The following GBP4 variants were observed in gnomAD, a reference collection of about 807,000 sequenced individuals.
GBP4 encodes guanylate-binding protein 4.
A neutral mutation model predicts 62.2 loss-of-function variants in GBP4; 69 were observed. That is an observed-to-expected ratio of 1.11 (90% confidence interval 0.91 to 1.36). GBP4 has a LOEUF of 1.36. Among genes scored for constraint, GBP4 ranks in the 40% most tolerant of loss-of-function variants. The probability of loss-of-function intolerance (pLI) is 0.00; values close to 1 mark genes in which losing one functional copy is unlikely to be tolerated. For synonymous variants in GBP4, 278 were observed against 274.6 expected (o/e 1.01, Z -0.12); for missense variants, 697 against 759.3 (o/e 0.92, Z 0.96).
chr1:89,196,624 C>G (rs1249709892), intron 2 of GBP4, among the ~76,000 whole-genome samples: 20 of 152,050 alleles, frequency 1.3e-4, no homozygotes, highest in Admixed American at 1.3e-3. Flanking sequence ...ATTAGAAAGA[C>G]TAACTAGAAG....
chr1:89,193,394 A>G lies in GBP4; in HGVS notation c.382T>C (p.Ser128Pro). Residue 128 changes from serine to proline, a missense_variant, in exon 4 of 11, where the codon TCG becomes CCG. This residue lies in a region of GBP4 where 556 missense variants were observed against 562.7 expected (regional missense o/e 0.99). Coordinates refer to ENST00000355754, the MANE Select transcript of GBP4 (RefSeq NM_052941.5). ...AGCACAGCCAGGGCAAAGATCCACG[A>G]GTCATTCTTAGGGTTACTCTAGAAA... ...DVEKSNPKND[S>P]WIFALAVLLS... The G allele has an allele frequency of 1.2e-6, 2 of 1,614,096 alleles. No homozygotes were observed.
intron 1 of GBP4, among the ~76,000 whole-genome samples, chr1:89,198,512 C>G (rs1557477789): frequency 6.6e-6 from 1 of 151,906 alleles, no homozygotes; most frequent in Non-Finnish European, 1.5e-5. Context: ...GGAGAAAATG[C>G]CACAGCTCTG....
At chr1:89,186,207 T>A (rs890325607) in intron 10 of GBP4, 126 bp downstream of exon 10, 1 of 724,554 alleles carries the variant, frequency 1.4e-6, no homozygotes, top group Non-Finnish European at 2.4e-6. Flanking sequence ...ATTTGAGATT[T>A]TAGTGAAACA....
At chr1:89,188,067 A>G (rs1209148431) in intron 8 of GBP4, among the ~76,000 whole-genome samples, 1 of 152,184 alleles carries the variant, frequency 6.6e-6, no homozygotes, top group African/African-American at 2.4e-5. Context: ...TCAACTGCCT[A>G]TGTGGACGAT....
At chr1:89,187,179 A>T (rs1648058889) in intron 8 of GBP4, 77 bp from the exon 9 acceptor site, 1 of 1,156,970 alleles carries the variant, frequency 8.6e-7, no homozygotes, top group African/African-American at 1.5e-5. Flanking sequence ...ATTGTTCAAT[A>T]AAGTCACAAA....
chr1:89,193,172 T>C, intron 4 of GBP4, 72 bp from the exon 5 acceptor site: 1 of 1,554,872 alleles, frequency 6.4e-7, no homozygotes, highest in Non-Finnish European at 8.8e-7. Flanking sequence ...ACAAGTTTTA[T>C]ACACGTTCCC....
chr1:89,198,185 C>CG (rs891747626), intron 1 of GBP4, among the ~76,000 whole-genome samples: 3 of 151,964 alleles, frequency 2.0e-5, no homozygotes, highest in African/African-American at 4.8e-5. Context: ...GACACAAACG[C>CG]GGGGGGCTCT....
At chr1:89,198,469 G>A (rs1176104132) in intron 1 of GBP4, among the ~76,000 whole-genome samples, 2 of 151,980 alleles carry the variant, frequency 1.3e-5, no homozygotes, top group South Asian at 2.1e-4. Context: ...AGCAAAAAAT[G>A]TGTATATGTA....
At chr1:89,189,149 T>A (rs1648116428) in intron 7 of GBP4, among the ~76,000 whole-genome samples, 1 of 152,230 alleles carries the variant, frequency 6.6e-6, no homozygotes, top group South Asian at 2.1e-4. Context: ...TAGGTTGCTA[T>A]GTATAAAAAA....
intron 7 of GBP4, among the ~76,000 whole-genome samples, chr1:89,189,108 C>T (rs1204199374): frequency 1.3e-5 from 2 of 152,190 alleles, no homozygotes; most frequent in African/African-American, 4.8e-5. Context: ...AAGTTGAATT[C>T]TGGCTGGAAG....
At position 89,192,949 on chromosome 1, in the gene GBP4, T is replaced by C. The variant is rs1443852582; in HGVS notation, c.625A>G (p.Ile209Val). 4 of 1,614,068 alleles carry C rather than the reference T, an allele frequency of 2.5e-6. No homozygotes were observed. The highest frequency in any genetic ancestry group is 3.4e-6 in the Non-Finnish European group (4 of 1,180,026). Residue 209 changes from isoleucine to valine, a missense_variant, in exon 5 of 11, where the codon ATC (isoleucine) becomes GTC (valine). Ile to Val is a conservative substitution (Grantham distance 29, BLOSUM62 3). Around this residue, in one of 2 missense-constraint regions of GBP4, gnomAD observed 556 missense variants for 562.7 expected, o/e 0.99. Coordinates refer to ENST00000355754, the MANE Select transcript of GBP4 (RefSeq NM_052941.5). The part of the protein sequence containing the change: ...TLELKLDGNP[I>V]TEDEYLENAL... ...TTCTCCAGGTACTCATCTTCTGTGATGGGGTTTCCATCTAACTTTAGCTCC... is the reference window on the plus strand; with the variant it reads ...TTCTCCAGGTACTCATCTTCTGTGACGGGGTTTCCATCTAACTTTAGCTCC...
chr1:89,185,081 T>C lies in GBP4; in HGVS notation c.*173A>G. The C allele has an allele frequency of 2.1e-6, 1 of 485,006 alleles. No individual in the cohort carries two copies. The highest frequency in any genetic ancestry group is 3.7e-6 in the Non-Finnish European group (1 of 273,884). The allele number at this position is 485,006 out of a possible 1,614,324, so 30.0% of individuals were successfully genotyped here. ...ATTATTAGTTCAATCAAAATTAAGTTTGTTTTTTGTGGATGTCAGGCCCTG... is the reference window on the plus strand; with the variant it reads ...ATTATTAGTTCAATCAAAATTAAGTCTGTTTTTTGTGGATGTCAGGCCCTG... On this transcript the variant is annotated 3_prime_UTR_variant, in exon 11 of 11. Transcript: ENST00000355754.
chr1:89,190,709 C>T (rs879316348), intron 6 of GBP4, among the ~76,000 whole-genome samples: 4 of 151,790 alleles, frequency 2.6e-5, no homozygotes, highest in African/African-American at 4.8e-5. Context: ...ATTTCTTATT[C>T]TTTACAAGGG....
At chr1:89,195,987 A>C (rs776669883) in intron 2 of GBP4, among the ~76,000 whole-genome samples, 2 of 152,316 alleles carry the variant, frequency 1.3e-5, no homozygotes, top group East Asian at 3.9e-4. Flanking sequence ...CACTGCTAAT[A>C]AGCATGTAAA....
intron 8 of GBP4, among the ~76,000 whole-genome samples, chr1:89,187,660 T>C (rs917837347): frequency 1.3e-4 from 19 of 151,960 alleles, no homozygotes; most frequent in African/African-American, 4.1e-4. Flanking sequence ...AACCAATAAA[T>C]ATATTAAAAA....
At chr1:89,189,896 C>T in intron 7 of GBP4, 142 bp downstream of exon 7, 1 of 723,540 alleles carries the variant, frequency 1.4e-6, no homozygotes, top group Non-Finnish European at 2.3e-6. Context: ...GAAGGGTGAC[C>T]TATAGCCCAT....
intron 5 of GBP4, among the ~76,000 whole-genome samples, chr1:89,192,584 A>G (rs913978085): frequency 2.6e-5 from 4 of 152,244 alleles, no homozygotes; most frequent in Non-Finnish European, 5.9e-5. Flanking sequence ...CTAATAAGTA[A>G]CACAAATATA....
At chr1:89,198,186 G>A (rs1371256607) in intron 1 of GBP4, among the ~76,000 whole-genome samples, 1 of 152,076 alleles carries the variant, frequency 6.6e-6, no homozygotes, top group Non-Finnish European at 1.5e-5. Context: ...ACACAAACGC[G>A]GGGGGCTCTG....
chr1:89,190,223 T>C lies in GBP4; in HGVS notation c.1012A>G (p.Asn338Asp). Residue 338 changes from asparagine (N) to aspartate (D), a missense_variant, in exon 7 of 11, where the codon AAC becomes GAC. Physicochemically the swap from Asn to Asp is conservative, Grantham distance 23. This residue lies in a region of GBP4 where 556 missense variants were observed against 562.7 expected (regional missense o/e 0.99). Coordinates refer to ENST00000355754, the MANE Select transcript of GBP4 (RefSeq NM_052941.5). ...GCTGCCCTCTGCACAGCCGCTGGGT[T>C]CTCAAGCTGGGCCAGTGCTGTCACT... The part of the protein sequence containing the change: ...NAVTALAQLE[N>D]PAAVQRAADH... 1.2e-6 allele frequency: 2 copies of C among 1,614,184 alleles called. No individual in the cohort carries two copies.
Sources: gnomAD v4.1 joint callset for allele counts (sites outside exome capture counted in the v4.1 genomes callset) on GRCh38, gnomAD v4.1.1 for gene constraint, gnomAD v4.1.1 regional missense constraint, MANE v1.5 for transcripts, NCBI Gene and HGNC (gene_info 2026-07-23, HGNC 2026-07-21) for gene names.